Variants in SREK1IP1 observed in about 807,000 individuals in gnomAD.
SREK1IP1 encodes protein SREK1IP1.
In SREK1IP1, 12 loss-of-function variants were observed where a neutral mutation model predicts 22.8. That is an observed-to-expected ratio of 0.53 (90% confidence interval 0.34 to 0.85). SREK1IP1 has a LOEUF of 0.85. Among genes scored for constraint, SREK1IP1 ranks in the 40% least tolerant of loss-of-function variants. The pLI is 0.02. For synonymous variants in SREK1IP1, 53 were observed against 52.7 expected (o/e 1.01, Z -0.02); for missense variants, 147 against 171.8 (o/e 0.86, Z 0.81).
Position 64,741,072 on chromosome 5 carries a change from C to A in SREK1IP1, c.190G>T (p.Ala64Ser). The stretch of plus-strand genomic sequence containing the variant: ...TATTGCTTACTTTTTTCCTGTAATG[C>A]CTGCAATTTATTCAGTTCTTCATTC... ...EENEELNKLQ[A>S]LQEKRINEEE... is the part of the protein sequence containing the mutation. Residue 64 changes from alanine (A) to serine (S), a missense_variant, in exon 3 of 5, where the codon GCA (alanine) becomes TCA (serine). By Grantham distance (99) the Ala-to-Ser change is moderately conservative (BLOSUM62 1). Coordinates refer to ENST00000513458, the MANE Select transcript of SREK1IP1 (RefSeq NM_173829.4). 1.2e-6 allele frequency: 2 copies of A among 1,610,414 alleles called. No individual in the cohort carries two copies. The highest frequency in any genetic ancestry group is 1.7e-6 in the Non-Finnish European group (2 of 1,178,792).
intron 1 of SREK1IP1, among the ~76,000 whole-genome samples, chr5:64,764,581 G>C (rs1480929904): frequency 6.6e-6 from 1 of 152,184 alleles, no homozygotes; most frequent in Non-Finnish European, 1.5e-5. Context: ...TTCTCGCAGA[G>C]AGAGATGGGG....
chr5:64,764,214 T>C (rs1249195433), intron 1 of SREK1IP1, among the ~76,000 whole-genome samples: 1 of 152,228 alleles, frequency 6.6e-6, no homozygotes, highest in African/African-American at 2.4e-5. Flanking sequence ...TCAGTCGTCC[T>C]GAGCTGCATG....
At chr5:64,745,328 T>A (rs275822) in intron 2 of SREK1IP1, among the ~76,000 whole-genome samples, 2 of 151,982 alleles carry the variant, frequency 1.3e-5, no homozygotes, top group Non-Finnish European at 2.9e-5. Flanking sequence ...TGGTGGCTCA[T>A]GCCTGTAATA....
chr5:64,729,113 G>T (rs1742329084), intron 3 of SREK1IP1, among the ~76,000 whole-genome samples: 1 of 152,140 alleles, frequency 6.6e-6, no homozygotes, highest in South Asian at 2.1e-4. Flanking sequence ...TATTTGGCAA[G>T]GTAAAGAATA....
chr5:64,736,200 T>C (rs1383777071), intron 3 of SREK1IP1, among the ~76,000 whole-genome samples: 1 of 151,176 alleles, frequency 6.6e-6, no homozygotes, highest in African/African-American at 2.5e-5. Flanking sequence ...TCTATCTTGA[T>C]AGGTACACTT....
chr5:64,741,197 C>A lies in SREK1IP1; in HGVS notation c.65G>T (p.Gly22Val). The change falls in exon 3 of 5, where the codon GGT becomes GTT. Residue 22 changes from glycine (G) to valine (V), a missense_variant. This residue lies in a region of SREK1IP1 where 62 missense variants were observed against 73.3 expected (regional missense o/e 0.85). Coordinates refer to ENST00000513458, the MANE Select transcript of SREK1IP1 (RefSeq NM_173829.4). The part of the protein sequence containing the change: ...RAGCKKCGYP[G>V]HLTFECRNFL... Reference sequence around the variant, plus strand: ...ATTGCGGCATTCAAAAGTCAGGTGACCAGCTAAGTGAAACAAACAAAAAAA... The same window carrying A: ...ATTGCGGCATTCAAAAGTCAGGTGAACAGCTAAGTGAAACAAACAAAAAAA... 6.2e-7 allele frequency: 1 copy of A among 1,608,538 alleles called. No individual in the cohort carries two copies. Among genetic ancestry groups the A allele is most frequent in the Non-Finnish European group, 8.5e-7 (1 of 1,177,166 alleles).
rs1178869717 is a variant in SREK1IP1 at position 64,723,600 on chromosome 5, T to C, written c.*784A>G. The C allele has an allele frequency of 1.3e-5, 2 of 152,628 alleles. No individual in the cohort carries two copies. Among genetic ancestry groups the C allele is most frequent in the Non-Finnish European group, 2.9e-5 (2 of 68,030 alleles). 9.5% of individuals were successfully genotyped at this position (152,628 alleles called of 1,614,324 possible). ...AAGACATGCCAATATGGCACATTTG[T>C]AAAACAACCCAGGAGTCTATTCTAA... On this transcript the variant is annotated 3_prime_UTR_variant, in exon 5 of 5. Coordinates refer to ENST00000513458, the MANE Select transcript of SREK1IP1 (RefSeq NM_173829.4).
intron 2 of SREK1IP1, 88 bp from the exon 3 acceptor site, chr5:64,741,288 G>T: frequency 8.2e-7 from 1 of 1,213,962 alleles, no homozygotes; most frequent in Non-Finnish European, 1.2e-6. Context: ...ACGGTAACCA[G>T]TAAGTTACAA....
At chr5:64,735,921 T>C (rs536579335) in intron 3 of SREK1IP1, among the ~76,000 whole-genome samples, 34 of 152,170 alleles carry the variant, frequency 2.2e-4, no homozygotes, top group Non-Finnish European at 4.4e-4. Context: ...ATTTGTTCTT[T>C]CTTCTAGTTT....
chr5:64,763,151 T>C (rs1348114000), intron 1 of SREK1IP1, among the ~76,000 whole-genome samples: 2 of 152,196 alleles, frequency 1.3e-5, no homozygotes, highest in Non-Finnish European at 2.9e-5. Context: ...AGCTGTTTAC[T>C]GATATGAGAT....
At chr5:64,768,033 T>C (rs1401064202) in intron 1 of SREK1IP1, among the ~76,000 whole-genome samples, 7 of 152,180 alleles carry the variant, frequency 4.6e-5, no homozygotes, top group Non-Finnish European at 1.0e-4. Context: ...GACCAATCTA[T>C]GGCCACGGAG....
chr5:64,752,068 G>A (rs533302040), intron 2 of SREK1IP1, among the ~76,000 whole-genome samples: 46 of 149,784 alleles, frequency 3.1e-4, no homozygotes, highest in Admixed American at 9.3e-4. Context: ...TAAATATTCC[G>A]AAGTTACCAA....
At chr5:64,766,423 C>T (rs944832972) in intron 1 of SREK1IP1, among the ~76,000 whole-genome samples, 1 of 152,154 alleles carries the variant, frequency 6.6e-6, no homozygotes, top group Non-Finnish European at 1.5e-5. Context: ...GACTCTACCA[C>T]CAAAAATGTA....
intron 3 of SREK1IP1, among the ~76,000 whole-genome samples, chr5:64,730,420 A>G (rs746677706): frequency 1.3e-5 from 2 of 152,192 alleles, no homozygotes; most frequent in Admixed American, 6.5e-5. Context: ...CTAGGGAAGA[A>G]CAATGGGAAA....
In SREK1IP1 at chr5:64,734,300, T is replaced by G. The variant is rs961430848; in HGVS notation, c.206-6121A>C. 2.0e-5 allele frequency among the ~76,000 whole-genome samples: 3 copies of G among 152,174 alleles called. No individual in the cohort carries two copies. In the South Asian group the frequency reaches 6.2e-4, roughly 31 times the overall value. ...TTACCTGTGGCTTTACAATAAATCT[T>G]GAAATGAGGTTGTGTTAGTTTTTTA... On this transcript the variant is annotated intron_variant, in intron 3 of 4. Coordinates refer to ENST00000513458, the MANE Select transcript of SREK1IP1 (RefSeq NM_173829.4).
In SREK1IP1 at chr5:64,722,426, G is replaced by C. The variant is rs1435650637; in HGVS notation, c.*1958C>G. The C allele has an allele frequency of 6.6e-6, 1 of 151,994 alleles. No individual in the cohort carries two copies. The highest frequency in any genetic ancestry group is 2.4e-5 in the African/African-American group (1 of 41,392). 9.4% of individuals were successfully genotyped at this position (151,994 alleles called of 1,614,324 possible). On this transcript the variant is annotated 3_prime_UTR_variant, in exon 5 of 5. Transcript: ENST00000513458. ...TAACTATCTTACTCAATGGAATAAG[G>C]TCATTGCCTTTGTAGCATTTTCTAA...
chr5:64,757,861 CTTTTTTTTTTTTTT>C (rs59456636), intron 1 of SREK1IP1, among the ~76,000 whole-genome samples: 3 of 72,944 alleles, frequency 4.1e-5, no homozygotes, highest in East Asian at 4.6e-4. Flanking sequence ...AGGTTCCTAT[CTTTTTTTTTTTTTT>C]TTTTTTTTTT....
At chr5:64,739,157 T>C (rs1742513602) in intron 3 of SREK1IP1, among the ~76,000 whole-genome samples, 1 of 152,184 alleles carries the variant, frequency 6.6e-6, no homozygotes, top group Admixed American at 6.5e-5. Flanking sequence ...ACTGTAAAAC[T>C]AATGTCCTTC....
chr5:64,753,795 A>T (rs1742788303), intron 2 of SREK1IP1, among the ~76,000 whole-genome samples: 1 of 152,206 alleles, frequency 6.6e-6, no homozygotes, highest in African/African-American at 2.4e-5. Context: ...TAAAATTACA[A>T]ATTTATATTT....
Sources: gnomAD v4.1 joint callset for allele counts (sites outside exome capture counted in the v4.1 genomes callset) on GRCh38, gnomAD v4.1.1 for gene constraint, gnomAD v4.1.1 regional missense constraint, MANE v1.5 for transcripts, NCBI Gene and HGNC (gene_info 2026-07-23, HGNC 2026-07-21) for gene names.